The following PDE4D variants were observed in gnomAD, a reference collection of about 807,000 sequenced individuals.
PDE4D encodes the protein 3',5'-cyclic-AMP phosphodiesterase 4D.
Under a neutral mutation model 87.4 loss-of-function variants are expected in PDE4D, and 24 were observed. The observed-to-expected ratio is 0.27, with a 90% CI of 0.20 to 0.39. The LOEUF (loss-of-function observed/expected upper bound fraction) is 0.39. Among genes scored for constraint, PDE4D ranks in the 10% least tolerant of loss-of-function variants. PDE4D has a pLI of 1.00. For synonymous variants in PDE4D, 384 were observed against 383.2 expected (o/e 1.00, Z -0.02); for missense variants, 714 against 1,041.0 (o/e 0.69, Z 4.32).
chr5:60,412,563 T>C (rs1208973514), intron 1 of PDE4D, among the ~76,000 whole-genome samples: 1 of 152,198 alleles, frequency 6.6e-6, no homozygotes, highest in African/African-American at 2.4e-5. Context: ...CGATGCTTAG[T>C]TCAAACCCTG....
intron 5 of PDE4D, among the ~76,000 whole-genome samples, chr5:59,065,915 T>C (rs181311242): frequency 6.6e-6 from 1 of 152,268 alleles, no homozygotes; most frequent in East Asian, 1.9e-4. Context: ...GATCTAAGAA[T>C]TAATATTCCT....
intron 1 of PDE4D, among the ~76,000 whole-genome samples, chr5:59,708,163 A>G (rs1753719648): frequency 6.6e-6 from 1 of 152,080 alleles, no homozygotes; most frequent in Non-Finnish European, 1.5e-5. Flanking sequence ...GACTGGTGTG[A>G]GATGGTATCT....
intron 1 of PDE4D, among the ~76,000 whole-genome samples, chr5:59,421,825 T>C (rs531165787): frequency 3.9e-4 from 60 of 152,196 alleles, no homozygotes; most frequent in African/African-American, 1.4e-3. Context: ...AGGGTACACA[T>C]ATATTTACTG....
chr5:59,441,477 C>T (rs769028416), intron 1 of PDE4D, among the ~76,000 whole-genome samples: 4 of 152,180 alleles, frequency 2.6e-5, no homozygotes, highest in African/African-American at 4.8e-5. Context: ...ACATCAGTCT[C>T]GGTTCTTTTG....
At chr5:59,734,700 A>T (rs2150628503) in intron 1 of PDE4D, among the ~76,000 whole-genome samples, 1 of 152,206 alleles carries the variant, frequency 6.6e-6, no homozygotes, top group South Asian at 2.1e-4. Flanking sequence ...ACTTAAAAAA[A>T]ATTCTCTTTT....
At chr5:60,206,266 C>A (rs72753300) in intron 1 of PDE4D, among the ~76,000 whole-genome samples, 3,702 of 152,254 alleles carry the variant, frequency 0.024, 69 homozygotes, top group Admixed American at 0.05. Flanking sequence ...AAATTCAAAG[C>A]CTTCCCGATT....
At chr5:59,472,808 A>T (rs1245968603) in intron 1 of PDE4D, among the ~76,000 whole-genome samples, 1 of 152,170 alleles carries the variant, frequency 6.6e-6, no homozygotes, top group Non-Finnish European at 1.5e-5. Context: ...ATTAAAAGTT[A>T]CTTGAGATTG....
chr5:60,250,625 G>A (rs956197122), intron 1 of PDE4D, among the ~76,000 whole-genome samples: 1 of 151,886 alleles, frequency 6.6e-6, no homozygotes. Context: ...GTACTTATAT[G>A]TTTGTAGCAA....
intron 1 of PDE4D, among the ~76,000 whole-genome samples, chr5:60,212,056 G>A (rs917484793): frequency 2.8e-4 from 43 of 152,228 alleles, no homozygotes; most frequent in African/African-American, 9.1e-4. Context: ...GGAAGATATC[G>A]TTGCATATAT....
chr5:59,461,191 AG>A (rs1192453128), intron 1 of PDE4D, among the ~76,000 whole-genome samples: 1 of 152,152 alleles, frequency 6.6e-6, no homozygotes, highest in Non-Finnish European at 1.5e-5. Flanking sequence ...TAAAAAAAAA[AG>A]TTTGTTTAAA....
chr5:60,460,311 A>G, intron 1 of PDE4D: 2 of 1,013,482 alleles, frequency 2.0e-6, no homozygotes, highest in Non-Finnish European at 3.1e-6. Flanking sequence ...CAAAGTAAAG[A>G]TTTTCATCAA....
intron 1 of PDE4D, among the ~76,000 whole-genome samples, chr5:60,467,295 C>T (rs1016102665): frequency 6.6e-6 from 1 of 152,170 alleles, no homozygotes; most frequent in Admixed American, 6.5e-5. Context: ...GCCTTAGCCT[C>T]CCAAAGTGCT....
At chr5:59,569,525 G>C (rs182648958) in intron 1 of PDE4D, among the ~76,000 whole-genome samples, 53 of 152,206 alleles carry the variant, frequency 3.5e-4, no homozygotes, top group Non-Finnish European at 4.4e-5. Flanking sequence ...TTTTATCATT[G>C]CAAACAACGC....
intron 1 of PDE4D, among the ~76,000 whole-genome samples, chr5:59,724,105 T>C (rs779002190): frequency 6.6e-6 from 1 of 152,108 alleles, no homozygotes; most frequent in Non-Finnish European, 1.5e-5. Context: ...CTAGGACCTA[T>C]TTGAAGACTC....
intron 1 of PDE4D, among the ~76,000 whole-genome samples, chr5:60,263,650 TCAAA>T (rs1223757289): frequency 6.6e-6 from 1 of 152,154 alleles, no homozygotes; most frequent in East Asian, 1.9e-4. Flanking sequence ...TAATGTAAGC[TCAAA>T]CAAACTGACA....
intron 1 of PDE4D, among the ~76,000 whole-genome samples, chr5:60,282,089 T>C (rs547588107): frequency 6.6e-6 from 1 of 151,640 alleles, no homozygotes; most frequent in South Asian, 2.1e-4. Context: ...ACAACATTAC[T>C]CAACATATAA....
intron 1 of PDE4D, among the ~76,000 whole-genome samples, chr5:59,828,440 G>T (rs910951259): frequency 1.3e-5 from 2 of 152,080 alleles, no homozygotes; most frequent in African/African-American, 4.8e-5. Flanking sequence ...TTTTGGTAAT[G>T]CTTTATTAAA....
At chr5:59,899,288 A>T (rs1751985335) in intron 3 of PDE4D, among the ~76,000 whole-genome samples, 1 of 152,094 alleles carries the variant, frequency 6.6e-6, no homozygotes, top group South Asian at 2.1e-4. Flanking sequence ...TGTTCACCTG[A>T]TTGTCTCAAC....
At chr5:59,215,221 C>A (rs1426233735) in intron 2 of PDE4D, among the ~76,000 whole-genome samples, 1 of 151,884 alleles carries the variant, frequency 6.6e-6, no homozygotes, top group African/African-American at 2.4e-5. Flanking sequence ...TCAAGTCTGT[C>A]TAATGTTTTC....
Sources: gnomAD v4.1 joint callset for allele counts (sites outside exome capture counted in the v4.1 genomes callset) on GRCh38, gnomAD v4.1.1 for gene constraint, MANE v1.5 for transcripts, NCBI Gene and HGNC (gene_info 2026-07-23, HGNC 2026-07-21) for gene names.